The following GXYLT1 variants were observed in gnomAD, a reference collection of about 807,000 sequenced individuals.
The protein encoded by GXYLT1 is glycosyltransferase 8 domain containing 3.
A neutral mutation model predicts 54.0 loss-of-function variants in GXYLT1; 29 were observed. The ratio of observed to expected loss-of-function variants is 0.54; its 90% CI spans 0.40 to 0.73. The LOEUF is 0.73. Among genes scored for constraint, GXYLT1 ranks in the 30% least tolerant of loss-of-function variants. The probability of loss-of-function intolerance (pLI) is 0.00; values close to 1 mark genes in which losing one functional copy is unlikely to be tolerated. For synonymous variants in GXYLT1, 176 were observed against 204.1 expected, an observed-to-expected ratio of 0.86 and a Z score of 1.17; for missense variants, 490 against 553.4, an observed-to-expected ratio of 0.89 and a Z score of 1.15.
chr12:42,112,649 C>T (rs2065465661), intron 3 of GXYLT1, among the ~76,000 whole-genome samples: 1 of 152,078 alleles, frequency 6.6e-6, no homozygotes, highest in Non-Finnish European at 1.5e-5. Context: ...TGTGAAAAGA[C>T]CAAATCTACG....
At chr12:42,099,864 T>G (rs1029273703) in intron 5 of GXYLT1, among the ~76,000 whole-genome samples, 1 of 152,092 alleles carries the variant, frequency 6.6e-6, no homozygotes, top group African/African-American at 2.4e-5. Flanking sequence ...TAAAAAAAAG[T>G]TATGGTAATA....
intron 5 of GXYLT1, among the ~76,000 whole-genome samples, chr12:42,102,676 A>C (rs2065396849): frequency 6.6e-6 from 1 of 152,164 alleles, no homozygotes; most frequent in Non-Finnish European, 1.5e-5. Flanking sequence ...TGTCTAATTT[A>C]TACTCTTTGG....
At chr12:42,115,604 C>T (rs2065489169) in intron 3 of GXYLT1, among the ~76,000 whole-genome samples, 1 of 152,032 alleles carries the variant, frequency 6.6e-6, no homozygotes, top group Non-Finnish European at 1.5e-5. Flanking sequence ...AGGACAACTA[C>T]AAACCACTGC....
intron 3 of GXYLT1, among the ~76,000 whole-genome samples, chr12:42,113,558 G>A (rs865812459): frequency 2.6e-4 from 40 of 150,948 alleles, no homozygotes; most frequent in African/African-American, 9.9e-4. Context: ...ATGGTAAACG[G>A]ATCAATTCAA....
At chr12:42,115,565 A>G (rs2065488875) in intron 3 of GXYLT1, among the ~76,000 whole-genome samples, 1 of 152,124 alleles carries the variant, frequency 6.6e-6, no homozygotes, top group Non-Finnish European at 1.5e-5. Flanking sequence ...TAGGAATCCA[A>G]CTTACAAGGG....
intron 7 of GXYLT1, among the ~76,000 whole-genome samples, chr12:42,090,457 C>A (rs2065323240): frequency 6.6e-6 from 1 of 152,190 alleles, no homozygotes; most frequent in Non-Finnish European, 1.5e-5. Flanking sequence ...ATCCTTACAG[C>A]TTAGTTCAAA....
At chr12:42,109,504 TA>T in intron 4 of GXYLT1, 61 bp downstream of exon 4, 1 of 1,187,292 alleles carries the variant, frequency 8.4e-7, no homozygotes, top group Non-Finnish European at 1.1e-6. Flanking sequence ...GACTCATGTG[TA>T]AAAGTAAGGT....
Position 42,110,396 on chromosome 12 carries a change from A to G in GXYLT1, c.487-705T>C, listed in dbSNP as rs372950172. 1.7e-4 allele frequency among the ~76,000 whole-genome samples: 26 copies of G among 152,312 alleles called. No individual in the cohort carries two copies. In the East Asian group the frequency reaches 2.7e-3, roughly 16 times the overall value. On this transcript the variant is annotated intron_variant, in intron 3 of 7. Coordinates refer to ENST00000398675, the MANE Select transcript of GXYLT1 (RefSeq NM_173601.2). Reference sequence around the variant, plus strand: ...CATTAAGAAACAATCTATGGGGGGGAAAAAACTAAGTAGTTTATGTACAGG... The same window carrying G: ...CATTAAGAAACAATCTATGGGGGGGGAAAAACTAAGTAGTTTATGTACAGG...
rs542090421 is a variant in GXYLT1 at position 42,115,839 on chromosome 12, A to G, written c.486+3161T>C. On this transcript the variant is annotated intron_variant, in intron 3 of 7. Transcript: ENST00000398675. ...GTCGCCAAGTCAATGCTAAGCCAAAAGAACAAAGCTGGAGGCATCATGCTA... is the reference window on the plus strand; with the variant it reads ...GTCGCCAAGTCAATGCTAAGCCAAAGGAACAAAGCTGGAGGCATCATGCTA... Among the ~76,000 whole-genome samples, 7 of 145,620 alleles carry G rather than the reference A, an allele frequency of 4.8e-5. 1 individual carries two copies. In the East Asian group the frequency reaches 1.2e-3, roughly 25 times the overall value.
rs150480962 is a variant in GXYLT1, at chr12:42,138,913, C to G, written c.221+5513G>C. Among the ~76,000 whole-genome samples, 992 of 152,228 alleles carry G rather than the reference C, an allele frequency of 6.5e-3. 41 individuals carry two copies. In the East Asian group the frequency reaches 0.089, roughly 14 times the overall value. Reference sequence around the variant, plus strand: ...AAAAAGCTGGGCAGTTGGCACACACCTGTAATCCCAGCTACTTGTGAGGCT... The same window carrying G: ...AAAAAGCTGGGCAGTTGGCACACACGTGTAATCCCAGCTACTTGTGAGGCT... On this transcript the variant is annotated intron_variant, in intron 1 of 7. Coordinates refer to ENST00000398675, the MANE Select transcript of GXYLT1 (RefSeq NM_173601.2).
At chr12:42,101,015 T>A (rs936372314) in intron 5 of GXYLT1, among the ~76,000 whole-genome samples, 3 of 151,740 alleles carry the variant, frequency 2.0e-5, no homozygotes, top group African/African-American at 7.3e-5. Flanking sequence ...AATTAAGAGT[T>A]CACTGCAGTC....
At chr12:42,101,943 G>C (rs207472883) in intron 5 of GXYLT1, among the ~76,000 whole-genome samples, 2 of 152,180 alleles carry the variant, frequency 1.3e-5, no homozygotes, top group Non-Finnish European at 2.9e-5. Flanking sequence ...GTGGAGGCAT[G>C]AAAGTGTGAA....
chr12:42,142,051 A>T (rs892395995), intron 1 of GXYLT1, among the ~76,000 whole-genome samples: 1 of 152,252 alleles, frequency 6.6e-6, no homozygotes, highest in Non-Finnish European at 1.5e-5. Flanking sequence ...AAATAGTTAT[A>T]ATCTTTCAAG....
At chr12:42,088,698 T>C (rs1013311647) in intron 7 of GXYLT1, among the ~76,000 whole-genome samples, 3 of 152,114 alleles carry the variant, frequency 2.0e-5, no homozygotes, top group Non-Finnish European at 4.4e-5. Flanking sequence ...TTCAACCAGG[T>C]ATTTTGTGAT....
intron 3 of GXYLT1, among the ~76,000 whole-genome samples, chr12:42,118,418 G>A (rs1392534034): frequency 2.6e-5 from 4 of 152,080 alleles, no homozygotes; most frequent in Admixed American, 1.3e-4. Flanking sequence ...TTTTGACAAA[G>A]AACTTACTTT....
chr12:42,113,501 A>G (rs2065472359), intron 3 of GXYLT1, among the ~76,000 whole-genome samples: 1 of 151,158 alleles, frequency 6.6e-6, no homozygotes, highest in Non-Finnish European at 1.5e-5. Context: ...GATAAAACAG[A>G]CTTTAAACCA....
intron 5 of GXYLT1, among the ~76,000 whole-genome samples, chr12:42,104,959 C>T (rs955899587): frequency 2.0e-5 from 3 of 152,270 alleles, no homozygotes; most frequent in East Asian, 1.9e-4. Flanking sequence ...CTTCCTGTCA[C>T]GCTCTATTAA....
intron 3 of GXYLT1, among the ~76,000 whole-genome samples, chr12:42,114,303 G>C (rs867175112): frequency 3.3e-5 from 5 of 152,110 alleles, no homozygotes; most frequent in Admixed American, 6.5e-5. Flanking sequence ...AGGAAACAGA[G>C]ACACAAAAAA....
intron 3 of GXYLT1, among the ~76,000 whole-genome samples, chr12:42,112,673 C>A (rs1337400285): frequency 6.6e-6 from 1 of 152,098 alleles, no homozygotes; most frequent in Non-Finnish European, 1.5e-5. Flanking sequence ...GATTGGTGTA[C>A]CTGAAAGTGA....
Sources: allele counts gnomAD v4.1 joint callset (sites outside exome capture counted in the v4.1 genomes callset), GRCh38; gene constraint gnomAD v4.1.1; transcripts MANE v1.5; gene names NCBI Gene and HGNC (gene_info 2026-07-23, HGNC 2026-07-21).